MIS18A: variants seen among roughly 807,000 people sequenced by gnomAD.
MIS18A encodes the protein protein Mis18-alpha.
Under a neutral mutation model 25.0 loss-of-function variants are expected in MIS18A, and 14 were observed. That is an observed-to-expected ratio of 0.56 (90% CI 0.37 to 0.88). The LOEUF (loss-of-function observed/expected upper bound fraction) is 0.88, where lower values mean the gene tolerates loss of function less well. Ranked by LOEUF, MIS18A falls within the 40% of genes least tolerant of loss-of-function variation. The pLI, the probability that MIS18A is intolerant of heterozygous loss-of-function variation, is 0.00. For missense variants in MIS18A, 292 were observed against 290.8 expected, an observed-to-expected ratio of 1.00 and a Z score of -0.03; for synonymous variants, 134 against 118.6, an observed-to-expected ratio of 1.13 and a Z score of -0.84.
the MIS18A span, among the ~76,000 whole-genome samples, chr21:32,172,154 G>A: frequency 6.6e-6 from 1 of 152,058 alleles, no homozygotes; most frequent in African/African-American, 2.4e-5. Flanking sequence ...GTGTTGGTGA[G>A]GGTGTAGAGA....
the MIS18A span, among the ~76,000 whole-genome samples, chr21:32,209,012 G>T: frequency 6.6e-6 from 1 of 152,232 alleles, no homozygotes; most frequent in Non-Finnish European, 1.5e-5. Context: ...TTGCTTGAAA[G>T]CAAAGTTCTC....
chr21:32,203,197 G>T, the MIS18A span, among the ~76,000 whole-genome samples: 1 of 151,600 alleles, frequency 6.6e-6, no homozygotes, highest in Non-Finnish European at 1.5e-5. Context: ...AAAAAATGAG[G>T]ATTGCTCCAT....
the MIS18A span, among the ~76,000 whole-genome samples, chr21:32,259,111 C>T: frequency 2.0e-5 from 3 of 152,048 alleles, no homozygotes; most frequent in African/African-American, 4.8e-5. Flanking sequence ...TAGACTCAAG[C>T]GATCCTCCTG....
chr21:32,278,687 G>T lies in MIS18A; in HGVS notation c.328C>A (p.Leu110Ile). The change falls in exon 1 of 5, where the codon CTT becomes ATT. Residue 110 changes from leucine to isoleucine, a missense_variant. Coordinates refer to ENST00000290130, the MANE Select transcript of MIS18A (RefSeq NM_018944.3). ...CCGGCTCGACCCAACTGACAGCGAA[G>T]CAGGATGCAGTTGGTGTCCTCCTGG... ...ASQEDTNCIL[L>I]RCVSCNVSVD... The T allele has an allele frequency of 6.4e-7, 1 of 1,554,724 alleles. No homozygotes were observed. The highest frequency in any genetic ancestry group is 1.3e-5 in the African/African-American group (1 of 74,318).
chr21:32,275,208 TA>T (rs1280375095), intron 1 of MIS18A, among the ~76,000 whole-genome samples: 1 of 151,784 alleles, frequency 6.6e-6, no homozygotes, highest in African/African-American at 2.4e-5. Context: ...ACTCCATCTC[TA>T]AAAAAAAATT....
At chr21:32,175,629 G>A in the MIS18A span, among the ~76,000 whole-genome samples, 1 of 141,372 alleles carries the variant, frequency 7.1e-6, no homozygotes, top group Non-Finnish European at 1.5e-5. Context: ...CCAACATAGT[G>A]AAACCCGGTC....
At chr21:32,160,778 T>A in the MIS18A span, among the ~76,000 whole-genome samples, 1 of 152,174 alleles carries the variant, frequency 6.6e-6, no homozygotes, top group Admixed American at 6.5e-5. Flanking sequence ...ATTACAGGTA[T>A]GTGCTACCAT....
chr21:32,218,763 A>T, the MIS18A span, among the ~76,000 whole-genome samples: 1 of 152,220 alleles, frequency 6.6e-6, no homozygotes, highest in Non-Finnish European at 1.5e-5. Flanking sequence ...ACAAAAAAAG[A>T]TATAAGACTT....
chr21:32,259,880 A>T, the MIS18A span: 3 of 152,196 alleles, frequency 2.0e-5, no homozygotes, highest in African/African-American at 7.2e-5. Context: ...TAAATAGAAC[A>T]GTAGAATGAT....
At chr21:32,175,618 C>T in the MIS18A span, among the ~76,000 whole-genome samples, 194 of 146,216 alleles carry the variant, frequency 1.3e-3, 5 homozygotes, top group South Asian at 0.04. Flanking sequence ...AACCAGCCTG[C>T]CCAACATAGT....
At chr21:32,265,790 G>A (rs1318534207), downstream of MIS18A, among the ~76,000 whole-genome samples, 1 of 152,290 alleles carries the variant, frequency 6.6e-6, no homozygotes. Context: ...AGCCAGCTGG[G>A]CTCCTGAGTC....
At chr21:32,169,067 T>C in the MIS18A span, among the ~76,000 whole-genome samples, 2,997 of 152,258 alleles carry the variant, frequency 0.02, 110 homozygotes, top group African/African-American at 0.067. Context: ...CTAACCAATA[T>C]GAGGTGCATT....
chr21:32,199,260 C>T, the MIS18A span, among the ~76,000 whole-genome samples: 326 of 152,090 alleles, frequency 2.1e-3, 1 homozygote, highest in Middle Eastern at 0.034. Flanking sequence ...AGACAGGAGC[C>T]CTGATTTATA....
the MIS18A span, among the ~76,000 whole-genome samples, chr21:32,257,661 C>G: frequency 5.9e-5 from 9 of 152,108 alleles, no homozygotes; most frequent in African/African-American, 2.2e-4. Context: ...ACGGAGCATC[C>G]TAATCCAACC....
rs568196324 is a variant in MIS18A at position 32,268,272 on chromosome 21, C to A, written c.*765G>T. The stretch of plus-strand genomic sequence containing the variant: ...TCTTCAATTAGAAAAATACATACTA[C>A]AAAAGTTTCACATTATAGAAAACAG... On this transcript the variant is annotated 3_prime_UTR_variant, in exon 5 of 5. Coordinates refer to ENST00000290130, the MANE Select transcript of MIS18A (RefSeq NM_018944.3). 2.0e-5 allele frequency: 3 copies of A among 152,270 alleles called. No individual in the cohort carries two copies. The East Asian group carries it at 5.8e-4, about 29-fold the overall frequency. 9.4% of individuals were successfully genotyped at this position (152,270 alleles called of 1,614,324 possible).
chr21:32,255,110 A>G, the MIS18A span, among the ~76,000 whole-genome samples: 1 of 152,194 alleles, frequency 6.6e-6, no homozygotes, highest in Admixed American at 6.5e-5. Flanking sequence ...GGAAGGATAT[A>G]CCCTAAGATA....
At chr21:32,167,394 T>A in the MIS18A span, among the ~76,000 whole-genome samples, 1 of 152,214 alleles carries the variant, frequency 6.6e-6, no homozygotes. Context: ...AGAAACTAGA[T>A]TACCAGATGA....
chr21:32,208,502 C>T, the MIS18A span, among the ~76,000 whole-genome samples: 1 of 152,174 alleles, frequency 6.6e-6, no homozygotes, highest in East Asian at 1.9e-4. Flanking sequence ...CTGAGGCTTT[C>T]CCAGAAGCTG....
Position 32,278,798 on chromosome 21 carries a change from C to A in MIS18A, c.217G>T (p.Ala73Ser). ...DMERAQLEEEAAAAEERPLVF... is the reference protein window; with the variant it reads ...DMERAQLEEESAAAEERPLVF... Reference sequence around the variant, plus strand: ...AGCGGCCTCTCCTCCGCAGCCGCCGCCTCCTCCTCCAGCTGCGCCCTCTCC... The same window carrying A: ...AGCGGCCTCTCCTCCGCAGCCGCCGACTCCTCCTCCAGCTGCGCCCTCTCC... Residue 73 changes from alanine (A) to serine (S), a missense_variant, in exon 1 of 5, where the codon GCG (alanine) becomes TCG (serine). Transcript: ENST00000290130. 4 of 1,588,364 alleles carry A rather than the reference C, an allele frequency of 2.5e-6. No individual in the cohort carries two copies. Among genetic ancestry groups the A allele is most frequent in the Non-Finnish European group, 3.4e-6 (4 of 1,170,684 alleles).
Sources: allele counts gnomAD v4.1 joint callset (sites outside exome capture counted in the v4.1 genomes callset), GRCh38; gene constraint gnomAD v4.1.1; transcripts MANE v1.5; gene names NCBI Gene and HGNC (gene_info 2026-07-23, HGNC 2026-07-21).